Variants in SOS1 observed in about 807,000 individuals in gnomAD.
SOS1 encodes son of sevenless homolog 1.
Under a neutral mutation model 157.6 loss-of-function variants are expected in SOS1, and 25 were observed. The observed-to-expected ratio is 0.16, with a 90% CI of 0.12 to 0.22. The LOEUF is 0.22. SOS1 is among the 10% of genes least tolerant of loss of function. SOS1 has a pLI of 1.00. For synonymous variants in SOS1, 528 were observed against 534.0 expected (o/e 0.99, Z 0.16); for missense variants, 1,237 against 1,599.1 (o/e 0.77, Z 3.86).
chr2:39,071,887 GTTTT>G (rs1273685750), intron 1 of SOS1, among the ~76,000 whole-genome samples: 2 of 140,906 alleles, frequency 1.4e-5, no homozygotes, highest in African/African-American at 2.6e-5. Flanking sequence ...ATTCTCTCAA[GTTTT>G]TTTATCTGCC....
Position 38,986,129 on chromosome 2 carries a change from G to T in SOS1, c.3697C>A (p.Leu1233Ile), listed in dbSNP as rs777373438. ...PDVFSSSPLH[L>I]QPPPLGKKSD... ...TTTTTGCCCAAAGGGGGAGGTTGGA[G>T]ATGTAGTGGTGAGCTTGAGAAAACA... is the stretch of plus-strand genomic sequence containing the variant. The change falls in exon 23 of 23, where the codon CTC (leucine) becomes ATC (isoleucine). Residue 1233 changes from leucine (L) to isoleucine (I), a missense_variant. Coordinates refer to ENST00000402219, the MANE Select transcript of SOS1 (RefSeq NM_005633.4). 9 of 1,613,746 alleles carry T rather than the reference G, an allele frequency of 5.6e-6. No homozygotes were observed. The highest frequency in any genetic ancestry group is 1.6e-4 in the Middle Eastern group (1 of 6,080).
chr2:38,991,562 A>G (rs954287419), intron 20 of SOS1, among the ~76,000 whole-genome samples: 1 of 152,192 alleles, frequency 6.6e-6, no homozygotes, highest in Non-Finnish European at 1.5e-5. Context: ...AACTGTCGTC[A>G]TCACCTCAAA....
chr2:39,055,585 G>A (rs533976515), intron 4 of SOS1, among the ~76,000 whole-genome samples: 1 of 152,184 alleles, frequency 6.6e-6, no homozygotes, highest in East Asian at 1.9e-4. Context: ...TTCAAATCAG[G>A]TGGGTTTTTT....
intron 1 of SOS1, among the ~76,000 whole-genome samples, chr2:39,075,289 G>C (rs1671931171): frequency 6.6e-6 from 1 of 152,142 alleles, no homozygotes; most frequent in African/African-American, 2.4e-5. Context: ...GCAGCAACAA[G>C]AGTGAACCAC....
chr2:39,029,062 C>T (rs889958335), intron 8 of SOS1, among the ~76,000 whole-genome samples: 1 of 152,166 alleles, frequency 6.6e-6, no homozygotes, highest in African/African-American at 2.4e-5. Context: ...TCATTTTAAA[C>T]ATTCCACTAA....
intron 1 of SOS1, among the ~76,000 whole-genome samples, chr2:39,079,287 G>A (rs1457649752): frequency 6.6e-6 from 1 of 151,858 alleles, no homozygotes; most frequent in Non-Finnish European, 1.5e-5. Flanking sequence ...CAGAACAATA[G>A]AAACAATACG....
chr2:39,112,151 C>A (rs998528001), intron 1 of SOS1, among the ~76,000 whole-genome samples: 2 of 151,868 alleles, frequency 1.3e-5, no homozygotes, highest in African/African-American at 4.9e-5. Flanking sequence ...ACCCTTACTT[C>A]CTCTCTATCA....
In SOS1 at chr2:39,011,950, C is replaced by T. The variant is rs138905036; in HGVS notation, c.2390+176G>A. On this transcript the variant is annotated intron_variant, in intron 14 of 22. Coordinates refer to ENST00000402219, the MANE Select transcript of SOS1 (RefSeq NM_005633.4). ...AGAAAGACAGAAGGTGTAAATTCAG[C>T]TAGAGGGACCAGGGGAGTAAAAGAA... Among the ~76,000 whole-genome samples, 234 of 152,260 alleles carry T rather than the reference C, an allele frequency of 1.5e-3. 1 individual carries two copies. Among genetic ancestry groups the T allele is most frequent in the Non-Finnish European group, 2.8e-3 (190 of 68,010 alleles).
At chr2:39,097,219 T>C (rs1245018108) in intron 1 of SOS1, among the ~76,000 whole-genome samples, 1 of 152,236 alleles carries the variant, frequency 6.6e-6, no homozygotes, top group Admixed American at 6.5e-5. Flanking sequence ...CATGACTATA[T>C]AACACTTTAT....
intron 1 of SOS1, among the ~76,000 whole-genome samples, chr2:39,072,169 T>C (rs918663915): frequency 1.3e-5 from 2 of 152,210 alleles, no homozygotes; most frequent in Admixed American, 1.3e-4. Context: ...CCCTATACTA[T>C]ATATCACATT....
intron 8 of SOS1, among the ~76,000 whole-genome samples, chr2:39,031,599 G>C (rs1437154526): frequency 6.6e-6 from 1 of 151,788 alleles, no homozygotes; most frequent in East Asian, 1.9e-4. Flanking sequence ...GCGTAGTGGC[G>C]GGCGTCTGTA....
chr2:38,999,139 GAA>G (rs1368894981), intron 17 of SOS1, among the ~76,000 whole-genome samples: 1 of 152,198 alleles, frequency 6.6e-6, no homozygotes, highest in Non-Finnish European at 1.5e-5. Context: ...CAAAAAATGA[GAA>G]GTGTAATGAG....
chr2:38,998,773 T>C (rs933374718), intron 17 of SOS1, among the ~76,000 whole-genome samples: 29 of 152,180 alleles, frequency 1.9e-4, no homozygotes, highest in African/African-American at 7.0e-4. Flanking sequence ...TCTACCTTTT[T>C]CCCTAAAGTA....
chr2:39,085,804 A>G (rs537725743), intron 1 of SOS1, among the ~76,000 whole-genome samples: 1 of 152,358 alleles, frequency 6.6e-6, no homozygotes, highest in East Asian at 1.9e-4. Context: ...TATATCCCAA[A>G]TATGATATAT....
chr2:39,021,538 A>T (rs562707739), intron 10 of SOS1, among the ~76,000 whole-genome samples: 10,405 of 150,624 alleles, frequency 0.069, 1,260 homozygotes, highest in African/African-American at 0.24. Context: ...AAAAAAAAAA[A>T]AAAAAAAAAT....
At chr2:39,050,043 T>A (rs2124594566) in intron 6 of SOS1, among the ~76,000 whole-genome samples, 1 of 152,336 alleles carries the variant, frequency 6.6e-6, no homozygotes, top group East Asian at 1.9e-4. Context: ...TAGTTATATA[T>A]ATATTCCACA....
intron 19 of SOS1, 53 bp downstream of exon 19, chr2:38,996,869 A>G: frequency 2.2e-6 from 2 of 910,706 alleles, no homozygotes; most frequent in South Asian, 1.3e-5. Context: ...ATGGAAAACT[A>G]TATAACACAT....
At chr2:39,015,182 C>G (rs888682125) in intron 10 of SOS1, among the ~76,000 whole-genome samples, 1 of 151,874 alleles carries the variant, frequency 6.6e-6, no homozygotes, top group Non-Finnish European at 1.5e-5. Context: ...CAAAGTATCA[C>G]CAGTTGGTTT....
intron 1 of SOS1, among the ~76,000 whole-genome samples, chr2:39,097,564 T>A (rs868371159): frequency 6.6e-5 from 10 of 152,054 alleles, no homozygotes; most frequent in African/African-American, 2.2e-4. Context: ...TTTTTCTTTT[T>A]TTTTTTTTAT....
Sources: allele counts gnomAD v4.1 joint callset (sites outside exome capture counted in the v4.1 genomes callset), GRCh38; gene constraint gnomAD v4.1.1; transcripts MANE v1.5; gene names NCBI Gene and HGNC (gene_info 2026-07-23, HGNC 2026-07-21).